CLIP1: variants seen among roughly 807,000 people sequenced by gnomAD.
The protein encoded by CLIP1 is CAP-Gly domain-containing linker protein 1.
Under a neutral mutation model 161.6 loss-of-function variants are expected in CLIP1, and 66 were observed. The observed-to-expected ratio is 0.41, with a 90% CI of 0.33 to 0.50. CLIP1 has a LOEUF of 0.50. Among genes scored for constraint, CLIP1 ranks in the 20% least tolerant of loss-of-function variants. The pLI is 0.27. For missense variants in CLIP1, 1,376 were observed against 1,702.0 expected (o/e 0.81, Z 3.37); for synonymous variants, 598 against 626.2 (o/e 0.96, Z 0.67).
intron 20 of CLIP1, among the ~76,000 whole-genome samples, chr12:122,308,031 A>C (rs1048265834): frequency 1.3e-5 from 2 of 152,198 alleles, no homozygotes; most frequent in Non-Finnish European, 2.9e-5. Context: ...TACATTTTTT[A>C]ATCACAAAAC....
chr12:122,328,234 C>G (rs777534736), intron 16 of CLIP1, 27 bp downstream of exon 16: 1 of 1,613,452 alleles, frequency 6.2e-7, no homozygotes, highest in Non-Finnish European at 8.5e-7. Flanking sequence ...CCTTGCCAGC[C>G]AACAGGCCCA....
At chr12:122,309,690 C>A (rs927734787) in intron 20 of CLIP1, 72 bp downstream of exon 20, 6 of 1,590,110 alleles carry the variant, frequency 3.8e-6, no homozygotes, top group Non-Finnish European at 5.1e-6. Flanking sequence ...TCCGAGTGGC[C>A]TCTGAGCGTG....
At chr12:122,363,604 T>C (rs1440935691) in intron 4 of CLIP1, among the ~76,000 whole-genome samples, 1 of 152,174 alleles carries the variant, frequency 6.6e-6, no homozygotes, top group Non-Finnish European at 1.5e-5. Flanking sequence ...AGACACATTT[T>C]GCAGTTCTTT....
chr12:122,361,290 T>C (rs1293692748), intron 4 of CLIP1, 109 bp from the exon 5 acceptor site: 17 of 917,662 alleles, frequency 1.9e-5, no homozygotes, highest in Non-Finnish European at 2.6e-5. Flanking sequence ...TTCCTGGAAA[T>C]TCTACAGCTA....
At chr12:122,286,630 T>G (rs1198788600) in intron 21 of CLIP1, among the ~76,000 whole-genome samples, 1 of 147,766 alleles carries the variant, frequency 6.8e-6, no homozygotes, top group Non-Finnish European at 1.5e-5. Context: ...CTTAGTGAAA[T>G]TTCACTAAAT....
chr12:122,411,878 T>C (rs184568762), intron 1 of CLIP1, among the ~76,000 whole-genome samples: 29 of 151,878 alleles, frequency 1.9e-4, no homozygotes, highest in African/African-American at 6.5e-4. Flanking sequence ...AAAATGAAAA[T>C]ATAATAAAAC....
At chr12:122,397,497 G>A (rs1410554539) in intron 1 of CLIP1, among the ~76,000 whole-genome samples, 1 of 129,078 alleles carries the variant, frequency 7.7e-6, no homozygotes, top group Non-Finnish European at 1.5e-5. Context: ...AGGTTGCAGT[G>A]AGCCAAGATC....
chr12:122,362,634 C>T (rs1953909693), intron 4 of CLIP1, among the ~76,000 whole-genome samples: 1 of 66,910 alleles, frequency 1.5e-5, no homozygotes. Flanking sequence ...AGCAAGACTC[C>T]ATCTCAAAAA....
intron 2 of CLIP1, among the ~76,000 whole-genome samples, chr12:122,379,537 C>T (rs928198461): frequency 2.6e-5 from 4 of 152,016 alleles, no homozygotes; most frequent in Non-Finnish European, 4.4e-5. Context: ...AGTACCACTG[C>T]CCTCCAGCCT....
chr12:122,394,713 G>C (rs77247148), intron 1 of CLIP1, among the ~76,000 whole-genome samples: 3 of 151,028 alleles, frequency 2.0e-5, no homozygotes, highest in East Asian at 2.0e-4. Context: ...TGGTGGAACC[G>C]CATCTCTACT....
At chr12:122,292,392 C>T (rs1017623048) in intron 20 of CLIP1, among the ~76,000 whole-genome samples, 7 of 152,094 alleles carry the variant, frequency 4.6e-5, no homozygotes, top group Admixed American at 1.3e-4. Context: ...TTTTGATGCT[C>T]GAATTATCTC....
At chr12:122,356,359 G>A (rs1490032318) in intron 5 of CLIP1, among the ~76,000 whole-genome samples, 2 of 152,172 alleles carry the variant, frequency 1.3e-5, no homozygotes, top group Non-Finnish European at 2.9e-5. Context: ...CTACTAGTTT[G>A]AGGCAATTCA....
At chr12:122,417,297 AAAAACAAAAC>A (rs374831413) in intron 1 of CLIP1, among the ~76,000 whole-genome samples, 41 of 151,924 alleles carry the variant, frequency 2.7e-4, no homozygotes, top group African/African-American at 8.2e-4. Flanking sequence ...ATTTTGTCTT[AAAAACAAAAC>A]AAAACAAAAC....
At chr12:122,348,990 C>T (rs1351771961) in intron 9 of CLIP1, among the ~76,000 whole-genome samples, 1 of 152,002 alleles carries the variant, frequency 6.6e-6, no homozygotes, top group African/African-American at 2.4e-5. Context: ...AAAAGGTGAA[C>T]AAAAAAATTT....
In CLIP1 at chr12:122,274,126, T is replaced by C. The variant is rs770931721; in HGVS notation, c.4003A>G (p.Arg1335Gly). 3.7e-6 allele frequency: 6 copies of C among 1,606,396 alleles called. No individual in the cohort carries two copies. In the African/African-American group the frequency reaches 8.0e-5, roughly 21 times the overall value. Residue 1335 changes from arginine to glycine, a missense_variant, in exon 25 of 26, where the codon AGG (arginine) becomes GGG (glycine). By Grantham distance (125) the Arg-to-Gly change is moderately radical. Around this residue, in one of 6 missense-constraint regions of CLIP1, gnomAD observed 948 missense variants for 1,134.8 expected, o/e 0.84. Coordinates refer to ENST00000620786, the MANE Select transcript of CLIP1 (RefSeq NM_001247997.2). ...FLNSVIVDLQ[R>G]KNQDLKMKVE... ...TTCATCTTGAGGTCTTGATTCTTCC[T>C]TTGAAGGTCCACTATTACTGAATTT...
intron 9 of CLIP1, among the ~76,000 whole-genome samples, chr12:122,349,886 G>GTTTTTTTGT (rs371416140): frequency 8.4e-6 from 1 of 118,452 alleles, no homozygotes; most frequent in African/African-American, 3.1e-5. Flanking sequence ...TCAGTCTTGT[G>GTTTTTTTGT]TTTTTTTGTT....
At position 122,274,064 on chromosome 12, in the gene CLIP1, G is replaced by T. The variant is rs764488108; in HGVS notation, c.4065C>A (p.Asn1355Lys). ...EMMSEAALNGNGDDLNNYDSD... is the reference protein window; with the variant it reads ...EMMSEAALNGKGDDLNNYDSD... ...TGTCATAATTGTTTAGGTCATCCCC[G>T]TTCCCATTCAGGGCTGCTTCTGACA... Residue 1355 changes from asparagine (N) to lysine (K), a missense_variant, in exon 25 of 26, where the codon AAC becomes AAA. By Grantham distance (94) the Asn-to-Lys change is moderately conservative (BLOSUM62 0). Transcript: ENST00000620786. 1 of 1,613,630 alleles carries T rather than the reference G, an allele frequency of 6.2e-7. No homozygotes were observed. Among genetic ancestry groups the T allele is most frequent in the Non-Finnish European group, 8.5e-7 (1 of 1,179,766 alleles).
In CLIP1 at chr12:122,328,350, T is replaced by C. The variant is rs1423339019; in HGVS notation, c.2944A>G (p.Met982Val). Reference protein sequence around the residue: ...ASFLQKSIEDMTVKAEQSQQE... With the variant: ...ASFLQKSIEDVTVKAEQSQQE... ...TGGCTCTGTTCAGCTTTGACAGTCA[T>C]GTCCTCAATACTTTTTTGCAGAAAA... Residue 982 changes from methionine (M) to valine (V), a missense_variant, in exon 16 of 26, where the codon ATG becomes GTG. This residue lies in a region of CLIP1 where 948 missense variants were observed against 1,134.8 expected (regional missense o/e 0.84). Coordinates refer to ENST00000620786, the MANE Select transcript of CLIP1 (RefSeq NM_001247997.2). 4 of 1,614,004 alleles carry C rather than the reference T, an allele frequency of 2.5e-6. No homozygotes were observed. The Admixed American group carries it at 5.0e-5, about 20-fold the overall frequency.
chr12:122,407,481 G>A (rs1593263006), intron 1 of CLIP1, among the ~76,000 whole-genome samples: 1 of 151,754 alleles, frequency 6.6e-6, no homozygotes, highest in East Asian at 1.9e-4. Flanking sequence ...GGCTGAGGCA[G>A]GAAGATCACT....
Sources: gnomAD v4.1 joint callset for allele counts (sites outside exome capture counted in the v4.1 genomes callset) on GRCh38, gnomAD v4.1.1 for gene constraint, gnomAD v4.1.1 regional missense constraint, MANE v1.5 for transcripts, NCBI Gene and HGNC (gene_info 2026-07-23, HGNC 2026-07-21) for gene names.